Variants in CDH18 observed in about 807,000 individuals in gnomAD.
CDH18 encodes the protein cadherin-18.
A neutral mutation model predicts 67.9 loss-of-function variants in CDH18; 31 were observed. The ratio of observed to expected loss-of-function variants is 0.46; its 90% confidence interval spans 0.34 to 0.62. The LOEUF (loss-of-function observed/expected upper bound fraction) is 0.62. Ranked by LOEUF, CDH18 falls within the 20% of genes least tolerant of loss-of-function variation. The pLI is 0.01. For missense variants in CDH18, 890 were observed against 975.5 expected, an observed-to-expected ratio of 0.91 and a Z score of 1.17; for synonymous variants, 362 against 347.2, an observed-to-expected ratio of 1.04 and a Z score of -0.48.
intron 2 of CDH18, among the ~76,000 whole-genome samples, chr5:19,949,795 T>C (rs1369019031): frequency 6.6e-6 from 1 of 152,128 alleles, no homozygotes; most frequent in African/African-American, 2.4e-5. Flanking sequence ...TATAACATTT[T>C]AAATTTTGAC....
Position 19,964,001 on chromosome 5 carries a change from C to T in CDH18, c.-257+17059G>A, listed in dbSNP as rs1489923510. ...AGTGCCCCCATGATCCAATCACCTC[C>T]TACCAGGTCCTTCCCTCAACATGTG... On this transcript the variant is annotated intron_variant, in intron 2 of 12. Transcript: ENST00000382275. Among the ~76,000 whole-genome samples the T allele has an allele frequency of 2.0e-5, 3 of 151,968 alleles. No individual in the cohort carries two copies. The East Asian group carries it at 5.9e-4, about 30-fold the overall frequency.
In CDH18 at chr5:19,631,431, A is replaced by G. The variant is rs1752397899; in HGVS notation, c.644-18830T>C. Among the ~76,000 whole-genome samples, 12 of 152,220 alleles carry G rather than the reference A, an allele frequency of 7.9e-5. No homozygotes were observed. In the South Asian group the frequency reaches 2.5e-3, roughly 32 times the overall value. On this transcript the variant is annotated intron_variant, in intron 5 of 12. Transcript: ENST00000382275. ...TAAACTGTAGCAATGTATTTACTTA[A>G]GTCCTACGTTTAAGAAATATATTTT...
At chr5:19,738,112 A>C (rs1322735336) in intron 4 of CDH18, among the ~76,000 whole-genome samples, 1 of 152,196 alleles carries the variant, frequency 6.6e-6, no homozygotes, top group Admixed American at 6.5e-5. Flanking sequence ...CATTCTATAC[A>C]TATTTTATTT....
intron 7 of CDH18, among the ~76,000 whole-genome samples, chr5:19,572,343 C>T (rs1741578655): frequency 6.6e-6 from 1 of 152,140 alleles, no homozygotes; most frequent in South Asian, 2.1e-4. Context: ...TGTTAAAGAT[C>T]TGTGAGAAAC....
At chr5:19,934,708 T>C (rs182770691) in intron 2 of CDH18, among the ~76,000 whole-genome samples, 1 of 151,516 alleles carries the variant, frequency 6.6e-6, no homozygotes, top group Non-Finnish European at 1.5e-5. Flanking sequence ...TCAGCAATGC[T>C]ATGTGGTCAC....
At chr5:19,940,127 C>T (rs1387219274) in intron 2 of CDH18, among the ~76,000 whole-genome samples, 1 of 151,520 alleles carries the variant, frequency 6.6e-6, no homozygotes, top group African/African-American at 2.4e-5. Flanking sequence ...TATTTTTATA[C>T]CTCAAAAAAG....
chr5:19,582,573 T>A (rs569405192), intron 7 of CDH18, among the ~76,000 whole-genome samples: 174 of 152,182 alleles, frequency 1.1e-3, no homozygotes, highest in African/African-American at 4.1e-3. Flanking sequence ...CTGAAAAGAA[T>A]AACTTTTCAG....
chr5:19,870,248 T>C (rs1339172632), intron 2 of CDH18, among the ~76,000 whole-genome samples: 2 of 152,114 alleles, frequency 1.3e-5, no homozygotes. Flanking sequence ...TTACAGGTCA[T>C]GTAATTCTTG....
chr5:20,178,808 G>C (rs1455780434), intron 2 of CDH18, among the ~76,000 whole-genome samples: 1 of 152,104 alleles, frequency 6.6e-6, no homozygotes, highest in Non-Finnish European at 1.5e-5. Flanking sequence ...TCACGGATGA[G>C]ACCATGGAGG....
At chr5:20,248,308 T>C (rs1392138507) in intron 2 of CDH18, among the ~76,000 whole-genome samples, 1 of 152,218 alleles carries the variant, frequency 6.6e-6, no homozygotes, top group Non-Finnish European at 1.5e-5. Flanking sequence ...ATACTGTTCA[T>C]CAACAAATGT....
At chr5:19,777,561 T>C (rs1197134943) in intron 3 of CDH18, among the ~76,000 whole-genome samples, 8 of 152,240 alleles carry the variant, frequency 5.3e-5, no homozygotes, top group African/African-American at 1.7e-4. Context: ...GGCACTACGT[T>C]TGAAAAAGAA....
At chr5:19,530,452 C>T (rs183722352) in intron 9 of CDH18, among the ~76,000 whole-genome samples, 5 of 152,082 alleles carry the variant, frequency 3.3e-5, no homozygotes, top group African/African-American at 4.8e-5. Context: ...TATTATTATA[C>T]TTTAAGTTTT....
At chr5:19,527,525 T>C (rs1006479001) in intron 9 of CDH18, among the ~76,000 whole-genome samples, 2 of 151,664 alleles carry the variant, frequency 1.3e-5, no homozygotes, top group African/African-American at 4.8e-5. Flanking sequence ...GTATATCATA[T>C]ATAATAAATT....
At chr5:20,316,428 T>G (rs1737470485) in intron 1 of CDH18, among the ~76,000 whole-genome samples, 1 of 152,114 alleles carries the variant, frequency 6.6e-6, no homozygotes, top group South Asian at 2.1e-4. Flanking sequence ...TTCAGATTAC[T>G]CCAGTCCTGG....
chr5:20,114,863 TA>T (rs993703622), intron 2 of CDH18, among the ~76,000 whole-genome samples: 3 of 151,806 alleles, frequency 2.0e-5, no homozygotes, highest in Non-Finnish European at 2.9e-5. Context: ...ATTAAGAATA[TA>T]AAAAAAATCC....
chr5:19,552,336 T>C (rs1175659685), intron 8 of CDH18, among the ~76,000 whole-genome samples: 1 of 152,164 alleles, frequency 6.6e-6, no homozygotes, highest in East Asian at 1.9e-4. Flanking sequence ...ATCATAGTTC[T>C]GGAAATAATT....
intron 4 of CDH18, among the ~76,000 whole-genome samples, chr5:19,733,342 T>C (rs1262249909): frequency 6.6e-6 from 1 of 152,188 alleles, no homozygotes; most frequent in Non-Finnish European, 1.5e-5. Flanking sequence ...GCCTTTGTTT[T>C]AACCTTTTTC....
At chr5:19,660,804 T>C (rs1013374763) in intron 5 of CDH18, among the ~76,000 whole-genome samples, 4 of 152,026 alleles carry the variant, frequency 2.6e-5, no homozygotes, top group African/African-American at 2.4e-5. Flanking sequence ...GTATAATACA[T>C]AGCTAGCACT....
chr5:19,732,347 A>C (rs886383717), intron 4 of CDH18, among the ~76,000 whole-genome samples: 1 of 152,032 alleles, frequency 6.6e-6, no homozygotes, highest in Non-Finnish European at 1.5e-5. Context: ...CCAGTTAATC[A>C]GAAGGCTGAG....
Sources: allele counts gnomAD v4.1 joint callset (sites outside exome capture counted in the v4.1 genomes callset), GRCh38; gene constraint gnomAD v4.1.1; transcripts MANE v1.5; gene names NCBI Gene and HGNC (gene_info 2026-07-23, HGNC 2026-07-21).